RASAL2: variants seen among roughly 807,000 people sequenced by gnomAD.
RASAL2 encodes the protein RAS protein activator like 2.
In RASAL2, 58 loss-of-function variants were observed where a neutral mutation model predicts 128.9. The ratio of observed to expected loss-of-function variants is 0.45; its 90% CI spans 0.36 to 0.56. The LOEUF (loss-of-function observed/expected upper bound fraction) is 0.56. RASAL2 is among the 20% of genes least tolerant of loss of function. The pLI is 0.00. For synonymous variants in RASAL2, 561 were observed against 580.8 expected (o/e 0.97, Z 0.49); for missense variants, 1,360 against 1,601.6 (o/e 0.85, Z 2.57).
At chr1:178,453,027 T>C (rs1440987330) in intron 11 of RASAL2, among the ~76,000 whole-genome samples, 1 of 151,960 alleles carries the variant, frequency 6.6e-6, no homozygotes, top group African/African-American at 2.4e-5. Flanking sequence ...AATCTAAGTA[T>C]AAAAAAAGTT....
intron 5 of RASAL2, among the ~76,000 whole-genome samples, chr1:178,436,340 T>C (rs970631175): frequency 2.2e-4 from 34 of 152,146 alleles, no homozygotes; most frequent in African/African-American, 5.1e-4. Context: ...TATGACATTC[T>C]GAACTATGTA....
intron 4 of RASAL2, among the ~76,000 whole-genome samples, chr1:178,416,592 ATTG>A (rs1462877269): frequency 2.0e-5 from 3 of 152,036 alleles, no homozygotes; most frequent in Non-Finnish European, 4.4e-5. Context: ...TGTGACCTAT[ATTG>A]TTTTCTTTTC....
chr1:178,440,690 A>G (rs1239493249), intron 6 of RASAL2, among the ~76,000 whole-genome samples: 1 of 152,150 alleles, frequency 6.6e-6, no homozygotes, highest in Non-Finnish European at 1.5e-5. Flanking sequence ...TAGGCTGTAT[A>G]TCAAGCCCAG....
intron 4 of RASAL2, among the ~76,000 whole-genome samples, chr1:178,417,275 A>G (rs1674822026): frequency 6.6e-6 from 1 of 152,100 alleles, no homozygotes; most frequent in South Asian, 2.1e-4. Context: ...AGCCATGTCC[A>G]GTCTACTAAT....
intron 3 of RASAL2, among the ~76,000 whole-genome samples, chr1:178,340,100 A>G (rs1337505898): frequency 1.3e-5 from 2 of 152,310 alleles, no homozygotes; most frequent in South Asian, 2.1e-4. Flanking sequence ...CTATTTTTAT[A>G]CTAGATGACT....
intron 3 of RASAL2, among the ~76,000 whole-genome samples, chr1:178,337,898 A>G (rs1669675326): frequency 6.6e-6 from 1 of 151,428 alleles, no homozygotes; most frequent in South Asian, 2.1e-4. Context: ...CGCCTGGCTA[A>G]TTTTTGTATT....
At chr1:178,434,213 A>G (rs931662342) in intron 5 of RASAL2, among the ~76,000 whole-genome samples, 1 of 152,086 alleles carries the variant, frequency 6.6e-6, no homozygotes. Context: ...GGACAAAAAG[A>G]TATGTTATAA....
chr1:178,353,086 G>A (rs184429333), intron 3 of RASAL2, among the ~76,000 whole-genome samples: 49 of 152,328 alleles, frequency 3.2e-4, no homozygotes, highest in African/African-American at 1.2e-3. Flanking sequence ...ATCAGTACTT[G>A]GCACCTTTTT....
At chr1:178,383,247 G>T (rs1453545278) in intron 3 of RASAL2, among the ~76,000 whole-genome samples, 2 of 152,150 alleles carry the variant, frequency 1.3e-5, no homozygotes, top group African/African-American at 2.4e-5. Context: ...CTACTTGTTT[G>T]AGTGAAGTAC....
In RASAL2 at chr1:178,186,016, G is replaced by T. The variant is rs56697204; in HGVS notation, c.202+91322G>T. 5.6e-3 allele frequency among the ~76,000 whole-genome samples: 844 copies of T among 151,960 alleles called. 11 individuals carry two copies. Among genetic ancestry groups the T allele is most frequent in the African/African-American group, 0.019 (791 of 41,488 alleles). ...TTACCATTGAAACTATCTGGACCTG[G>T]TACTTTGTTTTTTGAAAGTTTATTA... On this transcript the variant is annotated intron_variant, in intron 1 of 17. Transcript: ENST00000367649.
chr1:178,154,514 A>T (rs541885381), intron 1 of RASAL2, among the ~76,000 whole-genome samples: 1 of 152,176 alleles, frequency 6.6e-6, no homozygotes, highest in Non-Finnish European at 1.5e-5. Context: ...TTACACTCCT[A>T]TTAGCAGTGT....
At chr1:178,463,160 T>C (rs991194638) in intron 14 of RASAL2, among the ~76,000 whole-genome samples, 3 of 152,154 alleles carry the variant, frequency 2.0e-5, no homozygotes, top group African/African-American at 7.2e-5. Context: ...CCTTCAATTA[T>C]GAAATTATGG....
At chr1:178,126,071 G>A (rs561973509) in intron 1 of RASAL2, among the ~76,000 whole-genome samples, 4 of 152,288 alleles carry the variant, frequency 2.6e-5, no homozygotes, top group African/African-American at 4.8e-5. Flanking sequence ...AAATTTTACA[G>A]CAGTCATATG....
chr1:178,473,700 A>T lies in RASAL2; in HGVS notation c.*461A>T, dbSNP rs927285312. On this transcript the variant is annotated 3_prime_UTR_variant, in exon 18 of 18. Coordinates refer to ENST00000367649, the MANE Select transcript of RASAL2 (RefSeq NM_170692.4). The stretch of plus-strand genomic sequence containing the variant: ...ATGGAGTGCAATAGGACATTGTGAG[A>T]AGGAATTTTTCAGGGATTCATCTAC... 6.4e-6 allele frequency: 1 copy of T among 157,306 alleles called. No homozygotes were observed. Among genetic ancestry groups the T allele is most frequent in the African/African-American group, 2.4e-5 (1 of 41,472 alleles). The allele number at this position is 157,306 out of a possible 1,614,324, so 9.7% of individuals were successfully genotyped here. A position where few individuals can be genotyped will look rare whatever the true frequency, so the allele number is the denominator to read the frequency against.
chr1:178,256,624 T>C (rs1438225391), intron 1 of RASAL2, among the ~76,000 whole-genome samples: 3 of 152,218 alleles, frequency 2.0e-5, no homozygotes, highest in Admixed American at 2.0e-4. Context: ...ACAGTAAATA[T>C]ATAACTTCAC....
chr1:178,271,908 G>A (rs1394548413), intron 1 of RASAL2, among the ~76,000 whole-genome samples: 1 of 151,960 alleles, frequency 6.6e-6, no homozygotes, highest in East Asian at 1.9e-4. Context: ...TCAGATTGTT[G>A]AAGTAGGACC....
rs536785721 is a variant in RASAL2, at chr1:178,181,698, G to A, written c.202+87004G>A. Among the ~76,000 whole-genome samples, 16 of 151,708 alleles carry A rather than the reference G, an allele frequency of 1.1e-4. No homozygotes were observed. In the South Asian group the frequency reaches 1.7e-3, roughly 16 times the overall value. ...TCTTGGCTGTGACAGTCTCTCAGGC[G>A]TTCTTTATTTTTTATGACCTTGACA... On this transcript the variant is annotated intron_variant, in intron 1 of 17. Transcript: ENST00000367649.
Position 178,442,795 on chromosome 1 carries a change from A to G in RASAL2, c.1048A>G (p.Thr350Ala), listed in dbSNP as rs760132657. ...CLDDTLFARTTSKTKADNIFW... is the reference protein window; with the variant it reads ...CLDDTLFARTASKTKADNIFW... Reference sequence around the variant, plus strand: ...TGATGATACCCTCTTTGCTCGTACAACCAGCAAGACCAAAGCAGACAATAT... The same window carrying G: ...TGATGATACCCTCTTTGCTCGTACAGCCAGCAAGACCAAAGCAGACAATAT... The change falls in exon 8 of 18, where the codon ACC becomes GCC. Residue 350 changes from threonine to alanine, a missense_variant. Transcript: ENST00000367649. The G allele has an allele frequency of 1.2e-6, 2 of 1,613,966 alleles. No homozygotes were observed. The highest frequency in any genetic ancestry group is 2.2e-5 in the East Asian group (1 of 44,872).
chr1:178,277,147 CAAAAAA>C (rs61384367), intron 1 of RASAL2, among the ~76,000 whole-genome samples: 3 of 55,146 alleles, frequency 5.4e-5, no homozygotes, highest in South Asian at 1.5e-3. Flanking sequence ...GATTCCCTCT[CAAAAAA>C]AAAAAAAAAA....
Sources: gnomAD v4.1 joint callset for allele counts (sites outside exome capture counted in the v4.1 genomes callset) on GRCh38, gnomAD v4.1.1 for gene constraint, MANE v1.5 for transcripts, NCBI Gene and HGNC (gene_info 2026-07-23, HGNC 2026-07-21) for gene names.